Variants in CSMD1 observed in about 807,000 individuals in gnomAD.
CSMD1 encodes the protein CUB and sushi domain-containing protein 1.
A neutral mutation model predicts 417.5 loss-of-function variants in CSMD1; 213 were observed. The ratio of observed to expected loss-of-function variants is 0.51; its 90% CI spans 0.46 to 0.57. CSMD1 has a LOEUF of 0.57. Among genes scored for constraint, CSMD1 ranks in the 20% least tolerant of loss-of-function variants. The pLI is 0.00. For missense variants in CSMD1, 6,923 were observed against 4,529.7 expected (o/e 1.53, Z -15.17); for synonymous variants, 2,862 against 1,736.8 (o/e 1.65, Z -16.11).
intron 10 of CSMD1, among the ~76,000 whole-genome samples, chr8:3,502,284 G>T (rs559929839): frequency 6.9e-5 from 10 of 145,810 alleles, no homozygotes; most frequent in African/African-American, 2.6e-4. Flanking sequence ...AGACTGACGC[G>T]AACCCAGGAG....
intron 6 of CSMD1, among the ~76,000 whole-genome samples, chr8:3,723,761 A>T (rs545846034): frequency 6.6e-6 from 1 of 152,202 alleles, no homozygotes; most frequent in Non-Finnish European, 1.5e-5. Context: ...AGACACTAAC[A>T]TTTGAAAGAG....
chr8:4,381,086 T>C lies in CSMD1; in HGVS notation c.415+38867A>G, dbSNP rs529132469. 1.8e-4 allele frequency among the ~76,000 whole-genome samples: 27 copies of C among 152,284 alleles called. 1 individual carries two copies. In the South Asian group the frequency reaches 5.0e-3, roughly 28 times the overall value. ...TTATATTAGGTTGGTTCAAAAGTAA[T>C]TGTGGTTTTAGCCATTACTTTTGCA... On this transcript the variant is annotated intron_variant, in intron 3 of 69. Transcript: ENST00000635120.
chr8:3,184,844 C>G (rs764165802), intron 36 of CSMD1, among the ~76,000 whole-genome samples: 5 of 152,082 alleles, frequency 3.3e-5, no homozygotes, highest in African/African-American at 4.8e-5. Context: ...TTATCCGGAC[C>G]CTTAAATTTT....
At chr8:4,734,413 G>A (rs977335051) in intron 1 of CSMD1, among the ~76,000 whole-genome samples, 1 of 151,612 alleles carries the variant, frequency 6.6e-6, no homozygotes, top group African/African-American at 2.4e-5. Context: ...TGTTTAGTGA[G>A]TCCCTGAAAA....
intron 1 of CSMD1, among the ~76,000 whole-genome samples, chr8:4,800,106 G>T (rs553066168): frequency 6.6e-6 from 1 of 152,010 alleles, no homozygotes; most frequent in Non-Finnish European, 1.5e-5. Context: ...TATATAAAGC[G>T]TATCCTTTTT....
At chr8:4,098,811 G>A (rs951340317) in intron 3 of CSMD1, among the ~76,000 whole-genome samples, 1 of 152,132 alleles carries the variant, frequency 6.6e-6, no homozygotes, top group Non-Finnish European at 1.5e-5. Flanking sequence ...GTCATAAAAA[G>A]TTGTCTCTTC....
At chr8:3,169,258 A>G (rs1194514292) in intron 37 of CSMD1, among the ~76,000 whole-genome samples, 1 of 152,314 alleles carries the variant, frequency 6.6e-6, no homozygotes, top group East Asian at 1.9e-4. Context: ...AGAGGAGACA[A>G]GTTTCAGGAC....
rs183115462 is a variant in CSMD1, at chr8:4,550,308, T to C, written c.302+87034A>G. On this transcript the variant is annotated intron_variant, in intron 2 of 69. Coordinates refer to ENST00000635120, the MANE Select transcript of CSMD1 (RefSeq NM_033225.6). ...ATCATGAGGAATACAACACATTTCA[T>C]TGGAAGAAGCATACACACACGCACA... Among the ~76,000 whole-genome samples, 1,136 of 149,240 alleles carry C rather than the reference T, an allele frequency of 7.6e-3. 11 individuals are homozygous for C. Among genetic ancestry groups the C allele is most frequent in the South Asian group, 0.016 (76 of 4,678 alleles).
chr8:3,875,545 G>C (rs1449130113), intron 5 of CSMD1, among the ~76,000 whole-genome samples: 1 of 152,152 alleles, frequency 6.6e-6, no homozygotes, highest in Non-Finnish European at 1.5e-5. Flanking sequence ...AAGAAGGAAA[G>C]CAGGAGAGGC....
intron 5 of CSMD1, among the ~76,000 whole-genome samples, chr8:3,774,938 C>A (rs13264221): frequency 0.33 from 50,501 of 151,928 alleles, 9,584 homozygotes; most frequent in Non-Finnish European, 0.43. Flanking sequence ...GACTGACCAG[C>A]GAGACGGGAA....
intron 41 of CSMD1, among the ~76,000 whole-genome samples, chr8:3,121,152 T>C (rs1817181851): frequency 6.6e-6 from 1 of 152,188 alleles, no homozygotes; most frequent in African/African-American, 2.4e-5. Context: ...CTTTCAATAG[T>C]CACAGATTGT....
intron 7 of CSMD1, among the ~76,000 whole-genome samples, chr8:3,689,063 G>A (rs1236511321): frequency 6.6e-6 from 1 of 152,250 alleles, no homozygotes; most frequent in African/African-American, 2.4e-5. Flanking sequence ...GTAAACATGT[G>A]ACTGATACAC....
chr8:3,178,707 A>G (rs1353591527), intron 37 of CSMD1, among the ~76,000 whole-genome samples: 2 of 152,178 alleles, frequency 1.3e-5, no homozygotes, highest in African/African-American at 4.8e-5. Flanking sequence ...GTTTAGAGCA[A>G]GACCTGGCAT....
intron 5 of CSMD1, among the ~76,000 whole-genome samples, chr8:3,926,242 T>C (rs1259792986): frequency 6.6e-6 from 1 of 152,206 alleles, no homozygotes; most frequent in Non-Finnish European, 1.5e-5. Context: ...TTTTATGTGT[T>C]AATGGTAAAA....
At chr8:4,127,864 C>G (rs915391804) in intron 3 of CSMD1, among the ~76,000 whole-genome samples, 4 of 151,914 alleles carry the variant, frequency 2.6e-5, no homozygotes, top group African/African-American at 7.3e-5. Flanking sequence ...ATGAAGAAAC[C>G]CAGACACTGC....
At chr8:4,080,557 G>C (rs1396186703) in intron 3 of CSMD1, among the ~76,000 whole-genome samples, 1 of 152,192 alleles carries the variant, frequency 6.6e-6, no homozygotes, top group Non-Finnish European at 1.5e-5. Flanking sequence ...TTCTCCAGAA[G>C]ATAAAACTGT....
chr8:4,135,580 G>A (rs998830137), intron 3 of CSMD1, among the ~76,000 whole-genome samples: 2 of 152,058 alleles, frequency 1.3e-5, no homozygotes, highest in African/African-American at 4.8e-5. Context: ...AATGAGTTTT[G>A]ATTCTTAAAA....
intron 3 of CSMD1, among the ~76,000 whole-genome samples, chr8:4,321,626 C>A (rs1350485196): frequency 6.6e-6 from 1 of 152,172 alleles, no homozygotes; most frequent in Non-Finnish European, 1.5e-5. Context: ...CCCCTTTCTG[C>A]TCTACCTCTG....
At chr8:3,517,394 C>T (rs1797326317) in intron 10 of CSMD1, among the ~76,000 whole-genome samples, 1 of 152,144 alleles carries the variant, frequency 6.6e-6, no homozygotes, top group African/African-American at 2.4e-5. Context: ...AGCTGATAAA[C>T]AATCCTTAGT....
Sources: allele counts gnomAD v4.1 joint callset (sites outside exome capture counted in the v4.1 genomes callset), GRCh38; gene constraint gnomAD v4.1.1; transcripts MANE v1.5; gene names NCBI Gene and HGNC (gene_info 2026-07-23, HGNC 2026-07-21).